The following MAPK8 variants were observed in gnomAD, a reference collection of about 807,000 sequenced individuals.
MAPK8 encodes the protein mitogen-activated protein kinase 8.
In MAPK8, 13 loss-of-function variants were observed where a neutral mutation model predicts 52.9. The ratio of observed to expected loss-of-function variants is 0.25; its 90% CI spans 0.16 to 0.39. The LOEUF (loss-of-function observed/expected upper bound fraction) is 0.39. Ranked by LOEUF, MAPK8 falls within the 10% of genes least tolerant of loss-of-function variation. The probability of loss-of-function intolerance (pLI) is 1.00; values close to 1 mark genes in which losing one functional copy is unlikely to be tolerated. For synonymous variants in MAPK8, 191 were observed against 169.8 expected (o/e 1.12, Z -0.97); for missense variants, 300 against 519.2 (o/e 0.58, Z 4.10).
At chr10:48,332,114 C>G (rs1470607169) in intron 1 of MAPK8, among the ~76,000 whole-genome samples, 2 of 152,100 alleles carry the variant, frequency 1.3e-5, no homozygotes, top group Non-Finnish European at 2.9e-5. Context: ...ACAGTCTGTT[C>G]TAATATTATT....
At chr10:48,362,256 A>T (rs907130857) in intron 1 of MAPK8, among the ~76,000 whole-genome samples, 1 of 152,078 alleles carries the variant, frequency 6.6e-6, no homozygotes, top group African/African-American at 2.4e-5. Flanking sequence ...CTCCTTACAC[A>T]ATGAGTCTTA....
chr10:48,402,382 C>T (rs190176023), intron 2 of MAPK8, among the ~76,000 whole-genome samples: 42 of 152,266 alleles, frequency 2.8e-4, no homozygotes, highest in East Asian at 1.7e-3. Context: ...TATAATGAAG[C>T]GTGGAATTTC....
chr10:48,416,382 C>T (rs994178273), intron 5 of MAPK8, among the ~76,000 whole-genome samples: 5 of 152,174 alleles, frequency 3.3e-5, no homozygotes, highest in Non-Finnish European at 7.4e-5. Flanking sequence ...TGTAAGGAAA[C>T]TCGGAAATGT....
intron 5 of MAPK8, among the ~76,000 whole-genome samples, chr10:48,418,698 T>C (rs915366844): frequency 3.9e-5 from 6 of 152,234 alleles, no homozygotes; most frequent in Admixed American, 1.3e-4. Context: ...GCTATTCTTA[T>C]ATATAGTTAG....
intron 1 of MAPK8, among the ~76,000 whole-genome samples, chr10:48,327,989 C>A (rs1368464624): frequency 1.3e-5 from 2 of 152,052 alleles, no homozygotes; most frequent in Admixed American, 1.3e-4. Context: ...CCATTTGTTA[C>A]ATTAGTAATT....
rs80093732 is a variant in MAPK8, at chr10:48,413,278, T to G, written c.450+3110T>G. 4.6e-3 allele frequency among the ~76,000 whole-genome samples: 705 copies of G among 152,338 alleles called. 9 individuals carry two copies. Among genetic ancestry groups the G allele is most frequent in the South Asian group, 0.028 (136 of 4,826 alleles). ...TTGTCCAAATATCTCTTTGAGACCC[T>G]ACTTTTCAGTTCATTTGGGCTACAG... On this transcript the variant is annotated intron_variant, in intron 5 of 11. Transcript: ENST00000374189.
chr10:48,405,272 C>G (rs929612633), intron 3 of MAPK8, among the ~76,000 whole-genome samples: 1 of 152,106 alleles, frequency 6.6e-6, no homozygotes, highest in Non-Finnish European at 1.5e-5. Context: ...TCAGCTTGAT[C>G]TCATCTTCTG....
chr10:48,340,379 A>G (rs1164131246), intron 1 of MAPK8, among the ~76,000 whole-genome samples: 1 of 152,128 alleles, frequency 6.6e-6, no homozygotes, highest in South Asian at 2.1e-4. Flanking sequence ...AACAGTAGAC[A>G]CTAGTGACTC....
At chr10:48,309,235 G>A (rs551750716) in intron 1 of MAPK8, among the ~76,000 whole-genome samples, 4 of 152,194 alleles carry the variant, frequency 2.6e-5, no homozygotes, top group East Asian at 3.9e-4. Flanking sequence ...TATATATTTC[G>A]GTTTTTAGTA....
At chr10:48,314,379 C>T (rs1290345552) in intron 1 of MAPK8, among the ~76,000 whole-genome samples, 1 of 152,110 alleles carries the variant, frequency 6.6e-6, no homozygotes, top group East Asian at 1.9e-4. Flanking sequence ...GGTAGGCCTT[C>T]AACATATGAA....
chr10:48,310,728 A>AT (rs1341014912), intron 1 of MAPK8, among the ~76,000 whole-genome samples: 1 of 136,914 alleles, frequency 7.3e-6, no homozygotes, highest in Non-Finnish European at 1.5e-5. Context: ...AGTTTTTAAA[A>AT]TTGTGTGTGT....
intron 1 of MAPK8, chr10:48,325,866 T>C (rs1843468498): frequency 6.6e-6 from 1 of 152,218 alleles, no homozygotes; most frequent in South Asian, 2.1e-4. Context: ...GATACCGTTT[T>C]ATTGGAATTT....
intron 1 of MAPK8, among the ~76,000 whole-genome samples, chr10:48,393,046 G>C (rs1195046151): frequency 6.6e-6 from 1 of 152,106 alleles, no homozygotes; most frequent in African/African-American, 2.4e-5. Context: ...GTCTCTGGCT[G>C]CATCTTCTGT....
rs951721493 is a variant in MAPK8 at position 48,336,743 on chromosome 10, G to A, written c.-50+29922G>A. On this transcript the variant is annotated intron_variant, in intron 1 of 11. Coordinates refer to ENST00000374189, the MANE Select transcript of MAPK8 (RefSeq NM_001323329.2). ...AACTGCTGTACACATGTAAGAGAAT[G>A]CCAGTGAAAAAGGCAAAAGGTAGGC... Among the ~76,000 whole-genome samples, 106 of 152,138 alleles carry A rather than the reference G, an allele frequency of 7.0e-4. 1 individual carries two copies. Among genetic ancestry groups the A allele is most frequent in the Admixed American group, 1.1e-3 (17 of 15,278 alleles).
intron 1 of MAPK8, among the ~76,000 whole-genome samples, chr10:48,394,645 G>A (rs2041799856): frequency 6.6e-6 from 1 of 151,884 alleles, no homozygotes; most frequent in South Asian, 2.1e-4. Context: ...CATGCTTAGT[G>A]ATGAAAGACT....
intron 1 of MAPK8, among the ~76,000 whole-genome samples, chr10:48,365,741 C>CTG (rs1418843739): frequency 1.3e-5 from 2 of 152,036 alleles, no homozygotes; most frequent in African/African-American, 4.8e-5. Flanking sequence ...TTATTATTAG[C>CTG]TGTGTACCTA....
chr10:48,339,541 A>G (rs1329054741), intron 1 of MAPK8, among the ~76,000 whole-genome samples: 1 of 152,218 alleles, frequency 6.6e-6, no homozygotes, highest in East Asian at 1.9e-4. Flanking sequence ...CTAAGATCCC[A>G]AAAGCAAATG....
chr10:48,312,758 C>T (rs1842091819), intron 1 of MAPK8, among the ~76,000 whole-genome samples: 1 of 152,168 alleles, frequency 6.6e-6, no homozygotes, highest in African/African-American at 2.4e-5. Context: ...AAGCATCTAG[C>T]TTTGGCTGTT....
intron 1 of MAPK8, among the ~76,000 whole-genome samples, chr10:48,351,805 CAGATTTTTTCAGATTTT>C (rs1239291028): frequency 1.3e-5 from 2 of 152,052 alleles, no homozygotes; most frequent in African/African-American, 4.8e-5. Context: ...TTTCGGATTT[CAGATTTTTTCAGATTTT>C]AGAATATTTG....
Sources: allele counts gnomAD v4.1 joint callset (sites outside exome capture counted in the v4.1 genomes callset), GRCh38; gene constraint gnomAD v4.1.1; transcripts MANE v1.5; gene names NCBI Gene and HGNC (gene_info 2026-07-23, HGNC 2026-07-21).